The following LHFPL3 variants were observed in gnomAD, a reference collection of about 807,000 sequenced individuals.
The protein encoded by LHFPL3 is LHFPL tetraspan subfamily member 3.
Under a neutral mutation model 19.3 loss-of-function variants are expected in LHFPL3, and 5 were observed. That is an observed-to-expected ratio of 0.26 (90% CI 0.14 to 0.54). The LOEUF is 0.54. LHFPL3 is among the 20% of genes least tolerant of loss of function. The pLI, the probability that LHFPL3 is intolerant of heterozygous loss-of-function variation, is 0.94. For synonymous variants in LHFPL3, 133 were observed against 126.2 expected (o/e 1.05, Z -0.36); for missense variants, 249 against 307.4 (o/e 0.81, Z 1.42).
chr7:104,442,205 A>G (rs965346472), intron 1 of LHFPL3, among the ~76,000 whole-genome samples: 2 of 151,074 alleles, frequency 1.3e-5, no homozygotes, highest in African/African-American at 4.9e-5. Flanking sequence ...TTCTTTGGAG[A>G]AAAGTCTATT....
chr7:104,828,859 AC>A (rs138076802), intron 2 of LHFPL3, among the ~76,000 whole-genome samples: 3,756 of 151,894 alleles, frequency 0.025, 85 homozygotes, highest in Non-Finnish European at 0.036. Flanking sequence ...ACATGGTGAA[AC>A]CCTGTCTCCA....
chr7:104,811,786 T>C lies in LHFPL3; in HGVS notation c.682+74875T>C, dbSNP rs573254134. Reference sequence around the variant, plus strand: ...TAAAGTTCTTTCCACTTTTAGTTCATTCTCATTTTGAAGGCTAAACCTGAA... The same window carrying C: ...TAAAGTTCTTTCCACTTTTAGTTCACTCTCATTTTGAAGGCTAAACCTGAA... On this transcript the variant is annotated intron_variant, in intron 2 of 2. Transcript: ENST00000424859. 4.5e-4 allele frequency among the ~76,000 whole-genome samples: 69 copies of C among 152,336 alleles called. No individual in the cohort carries two copies. The South Asian group carries it at 0.013, about 30-fold the overall frequency.
At chr7:104,824,773 T>TA (rs909665482) in intron 2 of LHFPL3, among the ~76,000 whole-genome samples, 2 of 116,438 alleles carry the variant, frequency 1.7e-5, no homozygotes, top group African/African-American at 6.8e-5. Flanking sequence ...ATATATTATA[T>TA]ATTATATATT....
At chr7:104,466,170 A>C (rs989199978) in intron 1 of LHFPL3, among the ~76,000 whole-genome samples, 1 of 152,226 alleles carries the variant, frequency 6.6e-6, no homozygotes, top group Non-Finnish European at 1.5e-5. Context: ...ACTTTTACCC[A>C]GCAACAACTT....
At chr7:104,542,462 C>T (rs1477110) in intron 1 of LHFPL3, among the ~76,000 whole-genome samples, 3,064 of 152,040 alleles carry the variant, frequency 0.02, 45 homozygotes, top group East Asian at 0.079. Context: ...TCCAAAAGCC[C>T]GAGACCTTGT....
intron 1 of LHFPL3, among the ~76,000 whole-genome samples, chr7:104,721,913 T>C (rs1211977372): frequency 6.6e-6 from 1 of 152,176 alleles, no homozygotes; most frequent in African/African-American, 2.4e-5. Flanking sequence ...TTATTATTAT[T>C]AACTATACCA....
chr7:104,359,746 C>A (rs1372014133), intron 1 of LHFPL3, among the ~76,000 whole-genome samples: 1 of 152,250 alleles, frequency 6.6e-6, no homozygotes, highest in Non-Finnish European at 1.5e-5. Flanking sequence ...GGGCCCATAA[C>A]ACCTGGGCCC....
intron 1 of LHFPL3, among the ~76,000 whole-genome samples, chr7:104,364,523 ATCT>A (rs1427689396): frequency 1.3e-5 from 2 of 152,224 alleles, no homozygotes; most frequent in African/African-American, 2.4e-5. Context: ...AAGAACCCAG[ATCT>A]TCTACCAAAA....
intron 2 of LHFPL3, among the ~76,000 whole-genome samples, chr7:104,769,572 T>C (rs1794514789): frequency 6.6e-6 from 1 of 152,194 alleles, no homozygotes; most frequent in South Asian, 2.1e-4. Context: ...ACCCGTCATC[T>C]ACATTAGGTA....
chr7:104,696,230 G>A (rs561418443), intron 1 of LHFPL3, among the ~76,000 whole-genome samples: 2 of 152,202 alleles, frequency 1.3e-5, no homozygotes, highest in African/African-American at 2.4e-5. Flanking sequence ...GTCTACAGGC[G>A]TGAGCCATTG....
chr7:104,482,010 T>G (rs1197298481), intron 1 of LHFPL3, among the ~76,000 whole-genome samples: 1 of 152,194 alleles, frequency 6.6e-6, no homozygotes, highest in African/African-American at 2.4e-5. Flanking sequence ...TACTTTTCCC[T>G]GGAGAATTAC....
chr7:104,824,492 ATAAT>A (rs1790768079), intron 2 of LHFPL3, among the ~76,000 whole-genome samples: 1 of 69,342 alleles, frequency 1.4e-5, no homozygotes, highest in South Asian at 4.3e-4. Context: ...TATATAATCT[ATAAT>A]TATATATATT....
In LHFPL3 at chr7:104,525,956, A is replaced by G. The variant is rs905612284; in HGVS notation, c.445+196732A>G. 5.3e-5 allele frequency among the ~76,000 whole-genome samples: 8 copies of G among 152,144 alleles called. No homozygotes were observed. In the South Asian group the frequency reaches 1.2e-3, roughly 24 times the overall value. ...CTCTCCTTGGCTTTATCCTATAGGT[A>G]GGCACACTCTCCCAACTGAATGAAG... On this transcript the variant is annotated intron_variant, in intron 1 of 2. Transcript: ENST00000424859.
intron 1 of LHFPL3, among the ~76,000 whole-genome samples, chr7:104,604,807 T>G (rs902187209): frequency 1.3e-5 from 2 of 152,170 alleles, no homozygotes; most frequent in African/African-American, 2.4e-5. Context: ...AATGGATTTT[T>G]CTACTCAATT....
intron 1 of LHFPL3, among the ~76,000 whole-genome samples, chr7:104,334,472 G>A (rs910763573): frequency 7.2e-5 from 11 of 152,190 alleles, no homozygotes; most frequent in South Asian, 2.1e-4. Flanking sequence ...ACTTGAACCC[G>A]CAAGGCGGAG....
At chr7:104,677,780 A>G (rs577043683) in intron 1 of LHFPL3, among the ~76,000 whole-genome samples, 5 of 152,372 alleles carry the variant, frequency 3.3e-5, no homozygotes, top group Admixed American at 3.3e-4. Flanking sequence ...TTTAATGAGT[A>G]AGCACAAAAA....
chr7:104,882,671 G>C (rs149626503), intron 2 of LHFPL3, among the ~76,000 whole-genome samples: 1 of 152,122 alleles, frequency 6.6e-6, no homozygotes, highest in Non-Finnish European at 1.5e-5. Context: ...GTAGGTATGG[G>C]GTTTTCATGG....
At chr7:104,630,037 C>G (rs1432529545) in intron 1 of LHFPL3, among the ~76,000 whole-genome samples, 3 of 152,080 alleles carry the variant, frequency 2.0e-5, no homozygotes, top group Non-Finnish European at 4.4e-5. Context: ...CTCCAATAAG[C>G]AAGAAGCCTC....
chr7:104,693,100 T>G (rs1350134447), intron 1 of LHFPL3, among the ~76,000 whole-genome samples: 1 of 152,198 alleles, frequency 6.6e-6, no homozygotes, highest in Non-Finnish European at 1.5e-5. Flanking sequence ...GCTTTAAGAT[T>G]TGGCTGTCCC....
Sources: gnomAD v4.1 joint callset for allele counts (sites outside exome capture counted in the v4.1 genomes callset) on GRCh38, gnomAD v4.1.1 for gene constraint, MANE v1.5 for transcripts, NCBI Gene and HGNC (gene_info 2026-07-23, HGNC 2026-07-21) for gene names.